The following NMBR variants were observed in gnomAD, a reference collection of about 807,000 sequenced individuals.
The protein encoded by NMBR is neuromedin-B receptor.
NMBR carries 16 observed loss-of-function variants against 20.5 expected under a neutral mutation model. The observed-to-expected ratio is 0.78, with a 90% CI of 0.53 to 1.19. NMBR has a LOEUF of 1.19. Ranked by LOEUF, NMBR falls within the 50% of genes most tolerant of loss-of-function variation. The pLI is 0.00. For synonymous variants in NMBR, 212 were observed against 196.6 expected, an observed-to-expected ratio of 1.08 and a Z score of -0.65; for missense variants, 582 against 499.1, an observed-to-expected ratio of 1.17 and a Z score of -1.58.
At chr6:142,076,137 T>C in intron 3 of NMBR, 88 bp from the exon 4 acceptor site, 2 of 1,065,536 alleles carry the variant, frequency 1.9e-6, no homozygotes, top group Non-Finnish European at 1.4e-6. Context: ...AAGAGCAAAA[T>C]TTACAGCATG....
chr6:142,143,128 A>G (rs1778383082), intron 1 of NMBR, among the ~76,000 whole-genome samples: 1 of 152,204 alleles, frequency 6.6e-6, no homozygotes, highest in South Asian at 2.1e-4. Flanking sequence ...ATTTTTCTAT[A>G]GAGTAATAAA....
chr6:142,091,977 T>C (rs559533244), intron 1 of NMBR, among the ~76,000 whole-genome samples: 1 of 152,316 alleles, frequency 6.6e-6, no homozygotes, highest in South Asian at 2.1e-4. Flanking sequence ...TGCTTCAATG[T>C]ATCTATCCTT....
chr6:142,076,735 T>A (rs544946198), intron 3 of NMBR, among the ~76,000 whole-genome samples: 4 of 152,346 alleles, frequency 2.6e-5, no homozygotes, highest in Non-Finnish European at 5.9e-5. Context: ...TACTTTTTAA[T>A]CTAAAAACAA....
At chr6:142,104,313 A>G (rs1051660278) in intron 1 of NMBR, among the ~76,000 whole-genome samples, 1 of 152,220 alleles carries the variant, frequency 6.6e-6, no homozygotes, top group African/African-American at 2.4e-5. Flanking sequence ...ACCATTTTGG[A>G]ACATCTATTA....
chr6:142,127,682 T>C (rs1778063114), intron 1 of NMBR, among the ~76,000 whole-genome samples: 1 of 151,966 alleles, frequency 6.6e-6, no homozygotes, highest in South Asian at 2.1e-4. Flanking sequence ...ATAATTTTCA[T>C]TGTACAAGTC....
intron 1 of NMBR, among the ~76,000 whole-genome samples, chr6:142,108,477 T>C (rs1309426289): frequency 6.6e-6 from 1 of 152,152 alleles, no homozygotes; most frequent in African/African-American, 2.4e-5. Flanking sequence ...TAGGGAGGCC[T>C]CAGGAAACTT....
intron 3 of NMBR, among the ~76,000 whole-genome samples, chr6:142,076,983 C>T (rs1026204447): frequency 2.6e-5 from 4 of 151,986 alleles, no homozygotes; most frequent in African/African-American, 7.3e-5. Context: ...ATGGAGGAAG[C>T]GAAGAAAGGT....
At chr6:142,106,960 C>A (rs1056887494) in intron 1 of NMBR, among the ~76,000 whole-genome samples, 6 of 152,178 alleles carry the variant, frequency 3.9e-5, no homozygotes, top group African/African-American at 1.4e-4. Flanking sequence ...AAGTAAATTT[C>A]TTTTACAAAA....
At position 142,074,736 on chromosome 6, in the gene NMBR, A is replaced by G. The variant is rs1036751928; in HGVS notation, c.*912T>C. The stretch of plus-strand genomic sequence containing the variant: ...AATCTTATCACATCTATACACAATC[A>G]TCCAAATATTCGAGGATTTAGCAAT... On this transcript the variant is annotated 3_prime_UTR_variant, in exon 4 of 4. Coordinates refer to ENST00000258042, the MANE Select transcript of NMBR (RefSeq NM_002511.4). Among the ~76,000 whole-genome samples, 1 of 152,012 alleles carries G rather than the reference A, an allele frequency of 6.6e-6. No individual in the cohort carries two copies. The highest frequency in any genetic ancestry group is 2.4e-5 in the African/African-American group (1 of 41,428).
intron 3 of NMBR, among the ~76,000 whole-genome samples, chr6:142,077,006 G>A (rs934930644): frequency 6.6e-6 from 1 of 152,082 alleles, no homozygotes; most frequent in African/African-American, 2.4e-5. Context: ...AACTGAAGAG[G>A]AACCCAGGCC....
chr6:142,108,188 A>G (rs1777692903), intron 1 of NMBR, among the ~76,000 whole-genome samples: 1 of 152,100 alleles, frequency 6.6e-6, no homozygotes, highest in South Asian at 2.1e-4. Context: ...ATGACTGAAA[A>G]CCTTCCAAAT....
At chr6:142,124,941 G>T (rs543843649) in intron 1 of NMBR, among the ~76,000 whole-genome samples, 1 of 151,954 alleles carries the variant, frequency 6.6e-6, no homozygotes, top group Non-Finnish European at 1.5e-5. Flanking sequence ...ACCCCAGAAG[G>T]TTAAATCATT....
chr6:142,079,442 A>G (rs1777048173), intron 2 of NMBR, among the ~76,000 whole-genome samples: 1 of 152,170 alleles, frequency 6.6e-6, no homozygotes, highest in Non-Finnish European at 1.5e-5. Flanking sequence ...TAGTCATTTC[A>G]TTTCCAAAAT....
At chr6:142,096,364 A>G (rs1451688149) in intron 1 of NMBR, among the ~76,000 whole-genome samples, 1 of 152,008 alleles carries the variant, frequency 6.6e-6, no homozygotes, top group Non-Finnish European at 1.5e-5. Context: ...CTTTGTTCTC[A>G]TTGGTTTCAA....
chr6:142,089,517 G>C (rs979248107), intron 1 of NMBR, among the ~76,000 whole-genome samples, 196 bp from the exon 2 acceptor site: 1 of 151,682 alleles, frequency 6.6e-6, no homozygotes, highest in Non-Finnish European at 1.5e-5. Flanking sequence ...TTTCTTAATC[G>C]TTCTGCTTAA....
At chr6:142,131,006 A>G (rs1216891036) in intron 1 of NMBR, among the ~76,000 whole-genome samples, 1 of 152,166 alleles carries the variant, frequency 6.6e-6, no homozygotes, top group African/African-American at 2.4e-5. Context: ...TGACCGTTAC[A>G]TATCTCCTGT....
chr6:142,108,299 C>T (rs1777695660), intron 1 of NMBR, among the ~76,000 whole-genome samples: 1 of 152,044 alleles, frequency 6.6e-6, no homozygotes, highest in Non-Finnish European at 1.5e-5. Flanking sequence ...AAAATATTCA[C>T]AGGCAATGAT....
intron 1 of NMBR, among the ~76,000 whole-genome samples, chr6:142,120,062 C>T (rs1047655282): frequency 3.3e-5 from 5 of 151,834 alleles, no homozygotes; most frequent in Non-Finnish European, 7.4e-5. Context: ...TTCAGAGGTC[C>T]TATATCCAAT....
At chr6:142,137,515 G>A (rs1279614780) in intron 1 of NMBR, among the ~76,000 whole-genome samples, 43 of 152,062 alleles carry the variant, frequency 2.8e-4, no homozygotes, top group Non-Finnish European at 5.4e-4. Context: ...TGCCCTGGCC[G>A]GAACTTCCAA....
Sources: gnomAD v4.1 joint callset for allele counts (sites outside exome capture counted in the v4.1 genomes callset) on GRCh38, gnomAD v4.1.1 for gene constraint, MANE v1.5 for transcripts, NCBI Gene and HGNC (gene_info 2026-07-23, HGNC 2026-07-21) for gene names.